The following BBS9 variants were observed in gnomAD, a reference collection of about 807,000 sequenced individuals.
BBS9 encodes the protein Bardet-Biedl syndrome 9.
BBS9 carries 89 observed loss-of-function variants against 117.7 expected under a neutral mutation model. The observed-to-expected ratio is 0.76, with a 90% CI of 0.64 to 0.90. BBS9 has a LOEUF of 0.90. BBS9 is among the 40% of genes least tolerant of loss of function. The pLI, the probability that BBS9 is intolerant of heterozygous loss-of-function variation, is 0.00. For missense variants in BBS9, 982 were observed against 1,042.2 expected (o/e 0.94, Z 0.80); for synonymous variants, 379 against 370.9 (o/e 1.02, Z -0.25).
intron 9 of BBS9, among the ~76,000 whole-genome samples, chr7:33,312,496 GA>G (rs1405318598): frequency 2.0e-5 from 3 of 152,192 alleles, no homozygotes; most frequent in Non-Finnish European, 4.4e-5. Context: ...GGAGGACTGA[GA>G]AAATATATTG....
At chr7:33,412,410 G>A (rs1831312715) in intron 19 of BBS9, among the ~76,000 whole-genome samples, 2 of 152,158 alleles carry the variant, frequency 1.3e-5, no homozygotes. Flanking sequence ...AAGGGCAACT[G>A]GCATTTCTTC....
At chr7:33,387,752 C>G (rs1238591339) in intron 18 of BBS9, among the ~76,000 whole-genome samples, 2 of 152,134 alleles carry the variant, frequency 1.3e-5, no homozygotes, top group African/African-American at 2.4e-5. Context: ...ATTAAATGAT[C>G]TGTTTTTCCT....
intron 7 of BBS9, among the ~76,000 whole-genome samples, chr7:33,271,360 G>A (rs925641664): frequency 2.6e-5 from 4 of 152,094 alleles, no homozygotes; most frequent in African/African-American, 4.8e-5. Context: ...AAATCCACAC[G>A]TATCAATACT....
intron 5 of BBS9, among the ~76,000 whole-genome samples, chr7:33,187,278 T>G (rs1783284645): frequency 6.6e-6 from 1 of 152,200 alleles, no homozygotes; most frequent in African/African-American, 2.4e-5. Flanking sequence ...TATCAAGATA[T>G]TTGAGCTAGA....
At chr7:33,591,818 G>A (rs1861964458) in intron 21 of BBS9, among the ~76,000 whole-genome samples, 1 of 151,920 alleles carries the variant, frequency 6.6e-6, no homozygotes, top group East Asian at 1.9e-4. Flanking sequence ...TAGCACTGCT[G>A]GTAAATAGAA....
intron 21 of BBS9, among the ~76,000 whole-genome samples, chr7:33,575,953 T>C (rs768497695): frequency 2.0e-5 from 3 of 152,186 alleles, no homozygotes; most frequent in Admixed American, 6.6e-5. Context: ...AGTATCATAC[T>C]GAATGGGCAA....
chr7:33,372,681 A>C (rs1004615191), intron 17 of BBS9, among the ~76,000 whole-genome samples: 7 of 152,108 alleles, frequency 4.6e-5, no homozygotes, highest in Admixed American at 1.3e-4. Flanking sequence ...TTGAAATTTG[A>C]AAGTATTCCA....
chr7:33,181,180 C>G (rs1798052895), intron 5 of BBS9, among the ~76,000 whole-genome samples: 1 of 152,128 alleles, frequency 6.6e-6, no homozygotes, highest in Non-Finnish European at 1.5e-5. Context: ...AGATCTCCCC[C>G]AGGGGAGCTG....
intron 20 of BBS9, among the ~76,000 whole-genome samples, chr7:33,521,753 T>C (rs1170093513): frequency 6.6e-6 from 1 of 152,106 alleles, no homozygotes; most frequent in Non-Finnish European, 1.5e-5. Context: ...TTTTCTTTTT[T>C]TTTTTATTAT....
chr7:33,144,098 G>A (rs111490655), intron 1 of BBS9, among the ~76,000 whole-genome samples: 20 of 152,082 alleles, frequency 1.3e-4, no homozygotes, highest in Non-Finnish European at 2.5e-4. Flanking sequence ...ATGAGAAAGC[G>A]AAAGTACAGA....
At chr7:33,212,758 T>C (rs1305377936) in intron 5 of BBS9, among the ~76,000 whole-genome samples, 1 of 152,220 alleles carries the variant, frequency 6.6e-6, no homozygotes, top group African/African-American at 2.4e-5. Flanking sequence ...TTCTGCAGGC[T>C]GGTAGAGGTA....
At chr7:33,428,639 C>G (rs551908195) in intron 19 of BBS9, among the ~76,000 whole-genome samples, 41 of 152,316 alleles carry the variant, frequency 2.7e-4, no homozygotes, top group African/African-American at 8.7e-4. Context: ...AAAATTGCAA[C>G]ACTATCTTGT....
At chr7:33,450,736 T>G (rs1837683126) in intron 19 of BBS9, among the ~76,000 whole-genome samples, 1 of 152,188 alleles carries the variant, frequency 6.6e-6, no homozygotes, top group Admixed American at 6.5e-5. Context: ...TTTGTTGTTA[T>G]TGGGTTGTAG....
At chr7:33,263,011 T>A (rs1057155422) in intron 6 of BBS9, among the ~76,000 whole-genome samples, 5 of 152,222 alleles carry the variant, frequency 3.3e-5, no homozygotes, top group Admixed American at 6.5e-5. Context: ...GAGTATAGAT[T>A]ATGTAGTAGT....
intron 19 of BBS9, among the ~76,000 whole-genome samples, chr7:33,429,509 G>A (rs1337612681): frequency 6.6e-6 from 1 of 152,170 alleles, no homozygotes. Context: ...TTTAAGTGTG[G>A]TGATGTTGCA....
At chr7:33,557,798 G>A (rs1855515296) in intron 21 of BBS9, among the ~76,000 whole-genome samples, 1 of 152,224 alleles carries the variant, frequency 6.6e-6, no homozygotes, top group African/African-American at 2.4e-5. Context: ...CAAGATGCTG[G>A]AAGATAAGCA....
intron 19 of BBS9, among the ~76,000 whole-genome samples, chr7:33,474,912 T>G (rs1841591564): frequency 6.6e-6 from 1 of 152,178 alleles, no homozygotes; most frequent in African/African-American, 2.4e-5. Context: ...GCCATTGCAC[T>G]CCAGCCTGGT....
At chr7:33,416,681 G>A (rs6462477) in intron 19 of BBS9, among the ~76,000 whole-genome samples, 95,914 of 152,022 alleles carry the variant, frequency 0.63, 30,908 homozygotes, top group African/African-American at 0.76. Flanking sequence ...TGTGACAGCC[G>A]TGGTCCCCAA....
At chr7:33,234,781 A>G (rs1316313528) in intron 5 of BBS9, among the ~76,000 whole-genome samples, 1 of 152,046 alleles carries the variant, frequency 6.6e-6, no homozygotes, top group East Asian at 1.9e-4. Context: ...ATATATACAG[A>G]CACGGGTAAA....
Sources: allele counts gnomAD v4.1 joint callset (sites outside exome capture counted in the v4.1 genomes callset), GRCh38; gene constraint gnomAD v4.1.1; transcripts MANE v1.5; gene names NCBI Gene and HGNC (gene_info 2026-07-23, HGNC 2026-07-21).